IRAG1: variants seen among roughly 807,000 people sequenced by gnomAD.
IRAG1 encodes the protein inositol 1,4,5-triphosphate receptor associated 1, also known as IP3R-associated cGMP kinase substrate.
Under a neutral mutation model 106.2 loss-of-function variants are expected in IRAG1, and 62 were observed. That is an observed-to-expected ratio of 0.58 (90% CI 0.48 to 0.72). The LOEUF is 0.72. Among genes scored for constraint, IRAG1 ranks in the 30% least tolerant of loss-of-function variants. The pLI is 0.00. For missense variants in IRAG1, 1,064 were observed against 1,140.7 expected, an observed-to-expected ratio of 0.93 and a Z score of 0.97; for synonymous variants, 462 against 443.9, an observed-to-expected ratio of 1.04 and a Z score of -0.51.
At chr11:10,598,934 T>A (rs1323632856) in intron 15 of IRAG1, among the ~76,000 whole-genome samples, 1 of 152,212 alleles carries the variant, frequency 6.6e-6, no homozygotes, top group Non-Finnish European at 1.5e-5. Context: ...AGAGGTTGTA[T>A]AAAGGCTTAA....
intron 20 of IRAG1, 97 bp from the exon 21 acceptor site, chr11:10,576,672 C>G: frequency 6.7e-7 from 1 of 1,487,410 alleles, no homozygotes; most frequent in Non-Finnish European, 9.2e-7. Flanking sequence ...TCCATGCTGT[C>G]TTGAGCAATA....
chr11:10,632,081 T>A lies in IRAG1; in HGVS notation c.330-20A>T, dbSNP rs1289347413. On this transcript the variant is annotated intron_variant, in intron 3 of 20. Coordinates refer to ENST00000423302, the MANE Select transcript of IRAG1 (RefSeq NM_130385.4). ...TGAACTCTGAAAGACAGAACAGTCA[T>A]CTTGTTCAGAAAATCAATCCACAAC... The A allele has an allele frequency of 1.3e-6, 2 of 1,596,810 alleles. No individual in the cohort carries two copies. Among genetic ancestry groups the A allele is most frequent in the Non-Finnish European group, 8.6e-7 (1 of 1,164,448 alleles).
At chr11:10,579,189 A>G (rs567060149) in intron 20 of IRAG1, among the ~76,000 whole-genome samples, 3 of 152,302 alleles carry the variant, frequency 2.0e-5, no homozygotes, top group African/African-American at 7.2e-5. Context: ...CCCCTGAACA[A>G]TGGGGTCGAC....
chr11:10,618,675 G>C (rs1052783115), intron 10 of IRAG1, among the ~76,000 whole-genome samples: 1 of 152,222 alleles, frequency 6.6e-6, no homozygotes, highest in Non-Finnish European at 1.5e-5. Context: ...CAAAGAGGGA[G>C]AGAGGAAGAA....
In IRAG1 at chr11:10,573,990, C is replaced by G. The variant is rs1287645711; in HGVS notation, c.*2342G>C. Reference sequence around the variant, plus strand: ...AGTCCCTCTGCCCTGCTCTGTAACTCTTTACCTTAATGGCACATCCTTGAT... The same window carrying G: ...AGTCCCTCTGCCCTGCTCTGTAACTGTTTACCTTAATGGCACATCCTTGAT... On this transcript the variant is annotated 3_prime_UTR_variant, in exon 21 of 21. Coordinates refer to ENST00000423302, the MANE Select transcript of IRAG1 (RefSeq NM_130385.4). 6.6e-6 allele frequency: 1 copy of G among 152,322 alleles called. No individual in the cohort carries two copies. Among genetic ancestry groups the G allele is most frequent in the Non-Finnish European group, 1.5e-5 (1 of 68,124 alleles). The allele number at this position is 152,322 out of a possible 1,614,324, so 9.4% of individuals were successfully genotyped here. A position where few individuals can be genotyped will look rare whatever the true frequency, so the allele number is the denominator to read the frequency against.
Position 10,628,774 on chromosome 11 carries a change from G to C in IRAG1, c.629C>G (p.Ser210Ter). ...SASPTSSRSNSLTVPTPPGLD... is the reference protein window; with the variant it reads ...SASPTSSRSN ...ACCTGGCGGGGTGGGGACTGTAAGT[G>C]AGTTGCTCCGAGAGGATGTAGGAGA... Residue 210 changes from serine (S) to a stop codon, truncating the protein, a stop_gained, in exon 6 of 21, where the codon TCA becomes TGA. Transcript: ENST00000423302. LOFTEE classifies it high-confidence loss of function. The surrounding 1 kb of genome is among the most constrained non-coding windows in gnomAD (Gnocchi z 4.1). The C allele has an allele frequency of 6.4e-7, 1 of 1,556,446 alleles. No individual in the cohort carries two copies. Among genetic ancestry groups the C allele is most frequent in the Non-Finnish European group, 8.6e-7 (1 of 1,156,494 alleles).
rs1408112211 is a variant in IRAG1, at chr11:10,617,125, C to T, written c.1447+6653G>A. On this transcript the variant is annotated intron_variant, in intron 10 of 20. Coordinates refer to ENST00000423302, the MANE Select transcript of IRAG1 (RefSeq NM_130385.4). ...GGGGGTTTTGGAAGGACTGTCCATTCGATGTACTTCTCTGCCTCAGCCTAC... is the reference window on the plus strand; with the variant it reads ...GGGGGTTTTGGAAGGACTGTCCATTTGATGTACTTCTCTGCCTCAGCCTAC... The T allele has an allele frequency of 9.1e-6, 9 of 985,228 alleles. No homozygotes were observed. The South Asian group carries it at 1.9e-4, about 21-fold the overall frequency. The allele number at this position is 985,228 out of a possible 1,614,324, so 61.0% of individuals were successfully genotyped here.
Position 10,606,681 on chromosome 11 carries a change from G to A in IRAG1, c.1602+61C>T, listed in dbSNP as rs1240407610. 7.9e-6 allele frequency: 12 copies of A among 1,510,838 alleles called. No individual in the cohort carries two copies. The African/African-American group carries it at 1.7e-4, about 21-fold the overall frequency. 93.6% of individuals were successfully genotyped at this position (1,510,838 alleles called of 1,614,324 possible). ...AGAGCTAGAGTCTGGAGGAAGAAAT[G>A]TTTTGAATAAGCCCAGTCAAGCACG... On this transcript the variant is annotated intron_variant, in intron 12 of 20. Coordinates refer to ENST00000423302, the MANE Select transcript of IRAG1 (RefSeq NM_130385.4).
At position 10,627,609 on chromosome 11, in the gene IRAG1, G is replaced by A. The variant is rs531275690; in HGVS notation, c.750+107C>T. On this transcript the variant is annotated intron_variant, in intron 8 of 20. Transcript: ENST00000423302. ...CCCAGCCCTGACCCTCCACTCATAC[G>A]TGTGCATGCACACACACTTGAAGGC... The A allele has an allele frequency of 1.2e-4, 145 of 1,171,988 alleles. 1 individual carries two copies. The South Asian group carries it at 1.6e-3, about 13-fold the overall frequency. 72.6% of individuals were successfully genotyped at this position (1,171,988 alleles called of 1,614,324 possible).
chr11:10,594,374 G>A (rs1391213213), intron 15 of IRAG1, 179 bp from the exon 16 acceptor site: 2 of 575,740 alleles, frequency 3.5e-6, no homozygotes, highest in Admixed American at 3.0e-5. Context: ...GGGCTGCAGA[G>A]TGGGGGCTTT....
At chr11:10,651,327 C>T (rs536210713) in intron 2 of IRAG1, among the ~76,000 whole-genome samples, 4 of 152,312 alleles carry the variant, frequency 2.6e-5, no homozygotes, top group Admixed American at 2.0e-4. Context: ...ATTAAACAGA[C>T]GTAGACTCTT....
intron 1 of IRAG1, among the ~76,000 whole-genome samples, chr11:10,654,541 T>C (rs1039749487): frequency 2.6e-5 from 4 of 152,166 alleles, no homozygotes; most frequent in African/African-American, 9.7e-5. Flanking sequence ...GCCAAAATTT[T>C]ACACCTACTC....
At position 10,594,182 on chromosome 11, in the gene IRAG1, A is replaced by G. The variant is rs1416989157; in HGVS notation, c.2031T>C (p.Pro677=). The part of the protein sequence containing the change: ...RSCGPSEDGV[P]RTARSMSLTL... ...TGAGGGACATGGACCGTGCCGTGCG[A>G]GGGACCCCATCTTCTGCAGCAGGAG... The change falls in exon 16 of 21, where the codon CCT becomes CCC. Residue 677 remains proline, a synonymous_variant. Transcript: ENST00000423302. 3.7e-6 allele frequency: 6 copies of G among 1,610,264 alleles called. No homozygotes were observed. Among genetic ancestry groups the G allele is most frequent in the Non-Finnish European group, 4.2e-6 (5 of 1,178,520 alleles).
In IRAG1 at chr11:10,648,826, T is replaced by C. The variant is rs1273479470; in HGVS notation, c.225+3199A>G. ...GTGTGTGTCTGTGTGTGTGTATGCG[T>C]GTGTACGTGCAGAAAGAGAAACAGG... On this transcript the variant is annotated intron_variant, in intron 2 of 20. Transcript: ENST00000423302. 2.0e-5 allele frequency among the ~76,000 whole-genome samples: 3 copies of C among 152,098 alleles called. No individual in the cohort carries two copies. In the East Asian group the frequency reaches 5.8e-4, roughly 29 times the overall value.
intron 1 of IRAG1, among the ~76,000 whole-genome samples, chr11:10,664,815 C>T (rs778747961): frequency 3.9e-5 from 6 of 152,096 alleles, no homozygotes; most frequent in Admixed American, 2.0e-4. Flanking sequence ...AAGCAGAATC[C>T]CTCTTAAGAT....
chr11:10,609,998 A>T, intron 10 of IRAG1, 147 bp from the exon 11 acceptor site: 1 of 805,746 alleles, frequency 1.2e-6, no homozygotes, highest in Admixed American at 3.0e-5. Context: ...TCTCACAATG[A>T]GCTAGAACTT....
At chr11:10,640,223 T>G (rs1283154552) in intron 2 of IRAG1, among the ~76,000 whole-genome samples, 1 of 152,134 alleles carries the variant, frequency 6.6e-6, no homozygotes, top group African/African-American at 2.4e-5. Context: ...GGCATCTCAC[T>G]GGGGAGGAGG....
At chr11:10,593,694 G>A in intron 16 of IRAG1, 95 bp from the exon 17 acceptor site, 1 of 919,272 alleles carries the variant, frequency 1.1e-6, no homozygotes, top group East Asian at 2.6e-5. Flanking sequence ...TTCTAATGCT[G>A]TAATGGCATT....
At chr11:10,629,383 G>A (rs915824335) in intron 5 of IRAG1, among the ~76,000 whole-genome samples, 155 bp downstream of exon 5, 1 of 152,106 alleles carries the variant, frequency 6.6e-6, no homozygotes, top group Non-Finnish European at 1.5e-5. Context: ...CAAGGGAAGG[G>A]AGCCCAGGAC....
Sources: allele counts gnomAD v4.1 joint callset (sites outside exome capture counted in the v4.1 genomes callset), GRCh38; gene constraint gnomAD v4.1.1; non-coding constraint Gnocchi (gnomAD v3.1); transcripts MANE v1.5; gene names NCBI Gene and HGNC (gene_info 2026-07-23, HGNC 2026-07-21).